Variants in KLF15 observed in about 807,000 individuals in gnomAD.
KLF15 encodes KLF transcription factor 15.
KLF15 carries 4 observed loss-of-function variants against 24.6 expected under a neutral mutation model. That is an observed-to-expected ratio of 0.16 (90% CI 0.08 to 0.37). The LOEUF is 0.37. Among genes scored for constraint, KLF15 ranks in the 10% least tolerant of loss-of-function variants. The pLI is 1.00. For synonymous variants in KLF15, 246 were observed against 236.3 expected (o/e 1.04, Z -0.37); for missense variants, 496 against 560.6 (o/e 0.88, Z 1.16).
At chr3:126,353,419 G>A (rs1413497869) in intron 1 of KLF15, among the ~76,000 whole-genome samples, 2 of 152,160 alleles carry the variant, frequency 1.3e-5, no homozygotes, top group Non-Finnish European at 2.9e-5. Context: ...TTTGCCCTCT[G>A]ACCCTCATGT....
chr3:126,323,657 C>T, the KLF15 span, among the ~76,000 whole-genome samples: 1 of 123,200 alleles, frequency 8.1e-6, no homozygotes, highest in Non-Finnish European at 1.7e-5. Context: ...CCTCCCCTGG[C>T]CCCCCACCCC....
chr3:126,346,042 T>C (rs2082533478), intron 2 of KLF15, among the ~76,000 whole-genome samples: 1 of 152,210 alleles, frequency 6.6e-6, no homozygotes, highest in Non-Finnish European at 1.5e-5. Flanking sequence ...GCAGATGACC[T>C]GGACTCCCAG....
the KLF15 span, chr3:126,290,549 T>TTCCTTCCTTCCTTC: frequency 6.6e-6 from 1 of 152,052 alleles, no homozygotes; most frequent in African/African-American, 2.4e-5. Context: ...CCTTCCTTCC[T>TTCCTTCCTTCCTTC]CTGTCTCACA....
the KLF15 span, among the ~76,000 whole-genome samples, chr3:126,295,630 A>C: frequency 2.0e-5 from 3 of 152,140 alleles, no homozygotes; most frequent in Non-Finnish European, 4.4e-5. Context: ...GGCTACCAAC[A>C]AGTGAGACTG....
At chr3:126,338,203 G>A (rs2082453815), downstream of KLF15, among the ~76,000 whole-genome samples, 1 of 152,186 alleles carries the variant, frequency 6.6e-6, no homozygotes, top group Non-Finnish European at 1.5e-5. Flanking sequence ...GGAGAGGACA[G>A]GGAGGGGCTT....
the KLF15 span, among the ~76,000 whole-genome samples, chr3:126,304,267 C>T: frequency 5.3e-5 from 8 of 152,182 alleles, no homozygotes; most frequent in South Asian, 2.1e-4. Flanking sequence ...GATTTGTTAT[C>T]GATGCAAGAC....
the KLF15 span, among the ~76,000 whole-genome samples, chr3:126,324,836 T>C: frequency 1.5e-5 from 2 of 130,892 alleles, no homozygotes; most frequent in Non-Finnish European, 3.2e-5. Context: ...TACTCTAAGT[T>C]TTAGGGTACA....
chr3:126,343,948 C>T, intron 2 of KLF15, 53 bp from the exon 3 acceptor site: 1 of 1,496,588 alleles, frequency 6.7e-7, no homozygotes, highest in Non-Finnish European at 8.9e-7. Context: ...CCCTGCCTGC[C>T]CCGACCCCAC....
intron 1 of KLF15, among the ~76,000 whole-genome samples, chr3:126,355,929 A>G (rs2082627098): frequency 6.6e-6 from 1 of 152,204 alleles, no homozygotes; most frequent in African/African-American, 2.4e-5. Context: ...CGGCCCCTGA[A>G]ACACAGCAGC....
chr3:126,351,656 G>C (rs1485396567), intron 2 of KLF15, among the ~76,000 whole-genome samples, 185 bp downstream of exon 2: 1 of 152,232 alleles, frequency 6.6e-6, no homozygotes, highest in Non-Finnish European at 1.5e-5. Flanking sequence ...TCCGGCTTCA[G>C]GAACCAGGAG....
the KLF15 span, among the ~76,000 whole-genome samples, chr3:126,314,002 C>T: frequency 6.6e-6 from 1 of 152,244 alleles, no homozygotes; most frequent in Admixed American, 6.5e-5. Context: ...CTGCTTCATG[C>T]TGCAACAGCA....
At chr3:126,295,773 A>G in the KLF15 span, among the ~76,000 whole-genome samples, 3,184 of 152,074 alleles carry the variant, frequency 0.021, 62 homozygotes, top group Non-Finnish European at 0.035. Flanking sequence ...TTTGGCAAGA[A>G]CTCCCTGTCC....
chr3:126,323,527 A>ATATATAT, the KLF15 span, among the ~76,000 whole-genome samples: 2 of 135,060 alleles, frequency 1.5e-5, no homozygotes, highest in Non-Finnish European at 1.6e-5. Context: ...TATATATATA[A>ATATATAT]ATATGTATGT....
rs905758256 is a variant in KLF15, at chr3:126,351,870, G to A, written c.1053C>T (p.Phe351=). The A allele has an allele frequency of 9.9e-6, 16 of 1,613,856 alleles. No individual in the cohort carries two copies. The highest frequency in any genetic ancestry group is 2.2e-5 in the East Asian group (1 of 44,898). Residue 351 remains phenylalanine, a synonymous_variant, in exon 2 of 3, where the codon TTC becomes TTT. Transcript: ENST00000296233. ...AGCCGCAGCCTGGCCAGGTGCAGGC[G>A]AAGGGCTTCTCACCCGTGTGCCGGC... ...HLRRHTGEKP[F]ACTWPGCGWR...
chr3:126,300,873 T>A, the KLF15 span, among the ~76,000 whole-genome samples: 1 of 152,146 alleles, frequency 6.6e-6, no homozygotes, highest in African/African-American at 2.4e-5. Context: ...CCATCCTTAA[T>A]GCACGGAGGG....
At chr3:126,300,425 C>G in the KLF15 span, among the ~76,000 whole-genome samples, 6 of 152,216 alleles carry the variant, frequency 3.9e-5, no homozygotes, top group Admixed American at 2.6e-4. Context: ...CTGGGGACTA[C>G]CGGGTGCCCC....
chr3:126,343,730 G>A lies in KLF15; in HGVS notation c.1248C>T (p.Asn416=). The A allele has an allele frequency of 6.2e-7, 1 of 1,610,698 alleles. No individual in the cohort carries two copies. The highest frequency in any genetic ancestry group is 1.3e-5 in the African/African-American group (1 of 74,862). ...PRSSRSVRSV[N] is the part of the protein sequence containing the mutation. ...CAGGCTGGGGTTCAGGGCGCTTTCA[G>A]TTCACGGAGCGCACGGAGCGGCTGC... Residue 416 remains asparagine (N), a synonymous_variant, in exon 3 of 3, where the codon AAC becomes AAT. Coordinates refer to ENST00000296233, the MANE Select transcript of KLF15 (RefSeq NM_014079.4).
chr3:126,311,187 C>G, the KLF15 span, among the ~76,000 whole-genome samples: 1 of 152,218 alleles, frequency 6.6e-6, no homozygotes, highest in Non-Finnish European at 1.5e-5. Flanking sequence ...GCCACCACAG[C>G]TGCTCTGGAA....
At chr3:126,341,789 C>T (rs79935943), downstream of KLF15, among the ~76,000 whole-genome samples, 3,071 of 152,266 alleles carry the variant, frequency 0.02, 80 homozygotes, top group African/African-American at 0.065. Flanking sequence ...ACACTTGACC[C>T]GACTTGCATC....
Sources: gnomAD v4.1 joint callset for allele counts (sites outside exome capture counted in the v4.1 genomes callset) on GRCh38, gnomAD v4.1.1 for gene constraint, MANE v1.5 for transcripts, NCBI Gene and HGNC (gene_info 2026-07-23, HGNC 2026-07-21) for gene names.